Variants in PTPRG observed in about 807,000 individuals in gnomAD.
PTPRG encodes the protein protein tyrosine phosphatase receptor type G.
In PTPRG, 102 loss-of-function variants were observed where a neutral mutation model predicts 165.3. The observed-to-expected ratio is 0.62, with a 90% confidence interval of 0.53 to 0.73. PTPRG has a LOEUF of 0.73. Among genes scored for constraint, PTPRG ranks in the 30% least tolerant of loss-of-function variants. PTPRG has a pLI of 0.00. For missense variants in PTPRG, 1,866 were observed against 1,861.4 expected (o/e 1.00, Z -0.05); for synonymous variants, 675 against 669.5 (o/e 1.01, Z -0.13).
intron 15 of PTPRG, among the ~76,000 whole-genome samples, chr3:62,246,191 G>GTC (rs1325660036): frequency 1.3e-5 from 2 of 152,124 alleles, no homozygotes; most frequent in Non-Finnish European, 2.9e-5. Context: ...CAGTTGGCAA[G>GTC]GTGAGGCATT....
At chr3:61,769,200 A>C (rs903121786) in intron 2 of PTPRG, 1 of 152,162 alleles carries the variant, frequency 6.6e-6, no homozygotes, top group Non-Finnish European at 1.5e-5. Context: ...GTGATGATAT[A>C]TGGGAGTGTG....
intron 1 of PTPRG, among the ~76,000 whole-genome samples, chr3:61,638,601 T>TTTTTG (rs1701983234): frequency 1.4e-5 from 2 of 140,808 alleles, no homozygotes; most frequent in Non-Finnish European, 3.1e-5. Flanking sequence ...GTTTTTTTTT[T>TTTTTG]TTTTTTTTTT....
intron 1 of PTPRG, among the ~76,000 whole-genome samples, chr3:61,678,144 A>G (rs947206883): frequency 6.6e-6 from 1 of 152,198 alleles, no homozygotes; most frequent in African/African-American, 2.4e-5. Flanking sequence ...TTCCAGTCTC[A>G]TAAGCAAACC....
chr3:61,697,287 G>A (rs2030659505), intron 1 of PTPRG, among the ~76,000 whole-genome samples: 1 of 151,238 alleles, frequency 6.6e-6, no homozygotes, highest in Non-Finnish European at 1.5e-5. Flanking sequence ...CTCATACTTC[G>A]GCATGCTGAG....
At chr3:61,600,216 G>GTGTGTGTGTGTGTGTGTA (rs1700825002) in intron 1 of PTPRG, among the ~76,000 whole-genome samples, 1 of 148,344 alleles carries the variant, frequency 6.7e-6, no homozygotes, top group Admixed American at 6.7e-5. Flanking sequence ...GTGTGTGTGT[G>GTGTGTGTGTGTGTGTGTA]TAAAATAGAA....
Position 61,946,223 on chromosome 3 carries a change from T to A in PTPRG, c.191-43402T>A, listed in dbSNP as rs373960211. On this transcript the variant is annotated intron_variant, in intron 2 of 29. Coordinates refer to ENST00000474889, the MANE Select transcript of PTPRG (RefSeq NM_002841.4). ...TAGCAATAAATAAAATCACACTGGA[T>A]AATTTTAAAATTTTCTATCAAATGT... Among the ~76,000 whole-genome samples, 10 of 152,358 alleles carry A rather than the reference T, an allele frequency of 6.6e-5. 1 individual carries two copies. The highest frequency in any genetic ancestry group is 2.4e-4 in the African/African-American group (10 of 41,590).
chr3:61,672,280 C>T (rs1249711181), intron 1 of PTPRG, among the ~76,000 whole-genome samples: 7 of 142,764 alleles, frequency 4.9e-5, no homozygotes, highest in Non-Finnish European at 7.6e-5. Flanking sequence ...AGACGATGGG[C>T]GGCCAGGCGG....
chr3:62,132,440 G>A (rs1189637584), intron 5 of PTPRG, among the ~76,000 whole-genome samples, 162 bp from the exon 6 acceptor site: 3 of 152,138 alleles, frequency 2.0e-5, no homozygotes, highest in Admixed American at 6.5e-5. Flanking sequence ...ATTTTATGAT[G>A]TCATAAATCT....
At chr3:61,973,177 A>G (rs1385168481) in intron 2 of PTPRG, among the ~76,000 whole-genome samples, 2 of 152,226 alleles carry the variant, frequency 1.3e-5, no homozygotes, top group South Asian at 2.1e-4. Context: ...GCATCTTCTG[A>G]AAACGGTTAT....
chr3:61,821,697 G>T (rs930441704), intron 2 of PTPRG, among the ~76,000 whole-genome samples: 3 of 152,206 alleles, frequency 2.0e-5, no homozygotes, highest in Admixed American at 2.0e-4. Flanking sequence ...GATATAAACA[G>T]TAGAGGGTAA....
intron 2 of PTPRG, among the ~76,000 whole-genome samples, chr3:61,786,641 A>G (rs1462955843): frequency 4.6e-5 from 7 of 152,194 alleles, no homozygotes; most frequent in African/African-American, 1.7e-4. Context: ...CAGGAGTATT[A>G]TTTTTGGAGA....
chr3:62,126,281 G>T (rs1156814529), intron 5 of PTPRG, among the ~76,000 whole-genome samples: 1 of 152,166 alleles, frequency 6.6e-6, no homozygotes, highest in East Asian at 1.9e-4. Flanking sequence ...AGTTTAAGTA[G>T]ATCAAAAGCA....
At chr3:62,155,123 G>A (rs753004751) in intron 6 of PTPRG, among the ~76,000 whole-genome samples, 1 of 152,212 alleles carries the variant, frequency 6.6e-6, no homozygotes, top group Non-Finnish European at 1.5e-5. Context: ...CTTTTGTACA[G>A]CAGAAATTGT....
intron 2 of PTPRG, among the ~76,000 whole-genome samples, chr3:61,870,539 G>A (rs946997814): frequency 1.0e-4 from 1 of 9,958 alleles, no homozygotes; most frequent in Non-Finnish European, 2.1e-4. Context: ...TTTTTTTTTT[G>A]TATTTTTAGT....
At chr3:62,022,022 A>T (rs956476054) in intron 4 of PTPRG, among the ~76,000 whole-genome samples, 4 of 152,130 alleles carry the variant, frequency 2.6e-5, no homozygotes, top group Non-Finnish European at 5.9e-5. Context: ...TAGAGAATAC[A>T]TATATATGTA....
intron 6 of PTPRG, among the ~76,000 whole-genome samples, chr3:62,156,024 G>A (rs1019012958): frequency 6.6e-6 from 1 of 152,216 alleles, no homozygotes; most frequent in Non-Finnish European, 1.5e-5. Flanking sequence ...GGAGATGTAT[G>A]TAGAGACTAG....
At chr3:61,789,292 G>T (rs948912246) in intron 2 of PTPRG, among the ~76,000 whole-genome samples, 14 of 152,042 alleles carry the variant, frequency 9.2e-5, no homozygotes, top group African/African-American at 3.4e-4. Context: ...TGTAGAGACG[G>T]GGTCTCCCTG....
chr3:61,697,624 C>G (rs1575595729), intron 1 of PTPRG, among the ~76,000 whole-genome samples: 1 of 152,184 alleles, frequency 6.6e-6, no homozygotes, highest in African/African-American at 2.4e-5. Context: ...CAGTGCAGTT[C>G]TGCTCCTTAC....
At chr3:61,690,347 G>C (rs1179739725) in intron 1 of PTPRG, among the ~76,000 whole-genome samples, 4 of 152,200 alleles carry the variant, frequency 2.6e-5, no homozygotes, top group Admixed American at 1.3e-4. Flanking sequence ...CTGGGTGTTT[G>C]TTGCAGGGTG....
Sources: gnomAD v4.1 joint callset for allele counts (sites outside exome capture counted in the v4.1 genomes callset) on GRCh38, gnomAD v4.1.1 for gene constraint, MANE v1.5 for transcripts, NCBI Gene and HGNC (gene_info 2026-07-23, HGNC 2026-07-21) for gene names.